Variants in DAPK2 observed in about 807,000 individuals in gnomAD.
DAPK2 encodes death associated protein kinase 2.
A neutral mutation model predicts 44.1 loss-of-function variants in DAPK2; 35 were observed. That is an observed-to-expected ratio of 0.79 (90% CI 0.61 to 1.05). The LOEUF is 1.05. Among genes scored for constraint, DAPK2 ranks in the 50% least tolerant of loss-of-function variants. The pLI is 0.00. For missense variants in DAPK2, 453 were observed against 483.2 expected, an observed-to-expected ratio of 0.94 and a Z score of 0.59; for synonymous variants, 174 against 182.6, an observed-to-expected ratio of 0.95 and a Z score of 0.38.
rs376613312 is a variant in DAPK2, at chr15:63,931,104, C to T, written c.584-649G>A. ...AAATAGAAAAAGAGGCCTGAGAGAA[C>T]TTGTTTGCCCCTTTGGTCATTTGAC... On this transcript the variant is annotated intron_variant, in intron 4 of 10. Transcript: ENST00000261891. Among the ~76,000 whole-genome samples, 129 of 152,108 alleles carry T rather than the reference C, an allele frequency of 8.5e-4. 1 individual carries two copies. Among genetic ancestry groups the T allele is most frequent in the African/African-American group, 3.0e-3 (126 of 41,496 alleles).
intron 1 of DAPK2, among the ~76,000 whole-genome samples, chr15:64,022,869 C>G (rs2079731124): frequency 1.3e-5 from 2 of 152,130 alleles, no homozygotes; most frequent in Admixed American, 1.3e-4. Context: ...AGCGCACAGT[C>G]CCTCAAAGGG....
At chr15:63,934,653 G>T (rs1427281429) in intron 4 of DAPK2, among the ~76,000 whole-genome samples, 1 of 152,132 alleles carries the variant, frequency 6.6e-6, no homozygotes, top group African/African-American at 2.4e-5. Flanking sequence ...CGCCTCCCAG[G>T]TTCAAGCAAT....
rs1425958799 is a variant in DAPK2 at position 63,966,342 on chromosome 15, C to T, written c.453+5081G>A. 6.6e-6 allele frequency among the ~76,000 whole-genome samples: 1 copy of T among 152,198 alleles called. No homozygotes were observed. On this transcript the variant is annotated intron_variant, in intron 3 of 10. Transcript: ENST00000261891. This position sits in a 1 kb window ranked among gnomAD's most constrained non-coding sequence, Gnocchi z 5.5. ...CCTCTTCACTTTTCCCTCTTTTCTC[C>T]TCAAGTGGAGGGAAGGATTCTCTCC... is the stretch of plus-strand genomic sequence containing the variant.
intron 2 of DAPK2, among the ~76,000 whole-genome samples, chr15:63,982,034 C>A (rs2078531031): frequency 6.6e-6 from 1 of 152,114 alleles, no homozygotes. Flanking sequence ...AGTCTGTAGG[C>A]AGGTTAAGGA....
chr15:63,922,706 G>A (rs2079111323), intron 8 of DAPK2: 1 of 1,491,650 alleles, frequency 6.7e-7, no homozygotes, highest in East Asian at 2.5e-5. Context: ...CAAACCTCTT[G>A]GGATGCATCA....
At chr15:63,929,523 C>A in intron 6 of DAPK2, 28 bp downstream of exon 7, 1 of 1,613,748 alleles carries the variant, frequency 6.2e-7, no homozygotes, top group Non-Finnish European at 8.5e-7. Flanking sequence ...CTAAGCTGAG[C>A]CAGAGCCCCT....
intron 3 of DAPK2, among the ~76,000 whole-genome samples, chr15:63,960,637 C>A (rs2077871093): frequency 6.6e-6 from 1 of 152,196 alleles, no homozygotes; most frequent in Non-Finnish European, 1.5e-5. Context: ...GCAAGTTGTT[C>A]AGTTTCCATG....
In DAPK2 at chr15:64,002,134, G is replaced by A. The variant is rs574987173; in HGVS notation, c.93-18380C>T. ...GGTATTGCCAACTCCTACTGCAGAA[G>A]AGCCAAGCTCAGGGCCCTGGGGAGA... On this transcript the variant is annotated intron_variant, in intron 1 of 10. Coordinates refer to ENST00000261891, the Ensembl canonical transcript of DAPK2. Among the ~76,000 whole-genome samples, 3 of 152,322 alleles carry A rather than the reference G, an allele frequency of 2.0e-5. No individual in the cohort carries two copies. In the South Asian group the frequency reaches 6.2e-4, roughly 32 times the overall value.
chr15:63,941,967 A>G (rs1754475943), intron 3 of DAPK2, among the ~76,000 whole-genome samples: 1 of 152,208 alleles, frequency 6.6e-6, no homozygotes, highest in Admixed American at 6.5e-5. Flanking sequence ...CCCTCTTAGG[A>G]ACTTCTCCTC....
intron 1 of DAPK2, among the ~76,000 whole-genome samples, chr15:64,032,299 C>T (rs931770041): frequency 1.4e-4 from 22 of 152,140 alleles, no homozygotes; most frequent in African/African-American, 5.3e-4. Flanking sequence ...GTCAGAGTCA[C>T]CGTGTTTGAT....
At chr15:63,974,342 T>C (rs540125197) in intron 2 of DAPK2, among the ~76,000 whole-genome samples, 2 of 152,276 alleles carry the variant, frequency 1.3e-5, no homozygotes. Flanking sequence ...CCCAAGGTAG[T>C]TGGGTAACAG....
In DAPK2 at chr15:63,983,763, A is replaced by G. The variant is rs759523483; in HGVS notation, c.93-9T>C. 6.2e-7 allele frequency: 1 copy of G among 1,607,510 alleles called. No individual in the cohort carries two copies. The highest frequency in any genetic ancestry group is 8.5e-7 in the Non-Finnish European group (1 of 1,178,800). On this transcript the variant is annotated splice_polypyrimidine_tract_variant and intron_variant, in intron 1 of 10. Transcript: ENST00000261891. ...CGATGGCAAACTGGCCACTGTGGGG[A>G]CACAGACCCACAAGATTAGGTCATC...
intron 8 of DAPK2, among the ~76,000 whole-genome samples, chr15:63,915,030 A>G (rs2078891202): frequency 6.6e-6 from 1 of 152,194 alleles, no homozygotes; most frequent in Non-Finnish European, 1.5e-5. Flanking sequence ...GTCCCTTATT[A>G]TAAAATGGTG....
At chr15:64,026,154 T>G (rs1037592397) in intron 1 of DAPK2, among the ~76,000 whole-genome samples, 146 of 152,336 alleles carry the variant, frequency 9.6e-4, no homozygotes, top group African/African-American at 3.4e-3. Context: ...CCCTGGAAGC[T>G]GCCGGGGTCT....
rs2079122285 is a variant in DAPK2 at position 64,002,938 on chromosome 15, G to GACC, written c.93-19185_93-19184insGGT. On this transcript the variant is annotated intron_variant, in intron 1 of 10. Coordinates refer to ENST00000261891, the Ensembl canonical transcript of DAPK2. ...ACACTGTGTGTGTGTGTGTGTGTGT[G>GACC]TGTGTGTGTGTGTGTGTGTGTGTGT... 4.5e-5 allele frequency among the ~76,000 whole-genome samples: 6 copies of GACC among 133,920 alleles called. No individual in the cohort carries two copies. The Admixed American group carries it at 4.6e-4, about 10-fold the overall frequency. 87.9% of individuals were successfully genotyped at this position (133,920 alleles called of 152,430 possible).
intron 8 of DAPK2, chr15:63,922,860 A>G (rs2079118251): frequency 4.6e-6 from 7 of 1,535,704 alleles, no homozygotes; most frequent in African/African-American, 1.4e-5. Context: ...TCCAGCTGGA[A>G]GCTGCCCACC....
intron 1 of DAPK2, among the ~76,000 whole-genome samples, chr15:63,997,642 T>C (rs1216469100): frequency 6.6e-6 from 1 of 152,082 alleles, no homozygotes; most frequent in African/African-American, 2.4e-5. Flanking sequence ...TTGCTGCAAT[T>C]TAAAATGGAC....
At chr15:63,998,586 C>T (rs975210381) in intron 1 of DAPK2, among the ~76,000 whole-genome samples, 1 of 152,168 alleles carries the variant, frequency 6.6e-6, no homozygotes, top group Non-Finnish European at 1.5e-5. Flanking sequence ...CTCCCTGGGT[C>T]TCTGCAGGGT....
intron 3 of DAPK2, among the ~76,000 whole-genome samples, chr15:63,963,941 T>G (rs1175314714): frequency 6.6e-6 from 1 of 152,250 alleles, no homozygotes; most frequent in East Asian, 1.9e-4. Flanking sequence ...TTATTTTTTA[T>G]CAGTTTATCA....
Sources: gnomAD v4.1 joint callset for allele counts (sites outside exome capture counted in the v4.1 genomes callset) on GRCh38, gnomAD v4.1.1 for gene constraint, Gnocchi (gnomAD v3.1) non-coding constraint, MANE v1.5 for transcripts, NCBI Gene and HGNC (gene_info 2026-07-23, HGNC 2026-07-21) for gene names.